The following CHODL variants were observed in gnomAD, a reference collection of about 807,000 sequenced individuals.
CHODL encodes the protein transmembrane protein MT75.
Under a neutral mutation model 34.5 loss-of-function variants are expected in CHODL, and 29 were observed. The observed-to-expected ratio is 0.84, with a 90% CI of 0.63 to 1.15. CHODL has a LOEUF of 1.15. Ranked by LOEUF, CHODL falls within the 50% of genes most tolerant of loss-of-function variation. The probability of loss-of-function intolerance (pLI) is 0.00; values close to 1 mark genes in which losing one functional copy is unlikely to be tolerated. For synonymous variants in CHODL, 125 were observed against 116.1 expected (o/e 1.08, Z -0.49); for missense variants, 332 against 332.5 (o/e 1.00, Z 0.01).
intron 2 of CHODL, among the ~76,000 whole-genome samples, chr21:18,095,123 CAAAAA>C (rs71329775): frequency 1.5e-5 from 2 of 131,832 alleles, no homozygotes; most frequent in Admixed American, 7.8e-5. Flanking sequence ...GACTTTGTCT[CAAAAA>C]AAAAAAAGAA....
chr21:18,073,712 TA>T (rs1055128093), intron 2 of CHODL, among the ~76,000 whole-genome samples: 1 of 152,040 alleles, frequency 6.6e-6, no homozygotes, highest in Non-Finnish European at 1.5e-5. Context: ...TAGCTAAGAA[TA>T]AAAAGATTAG....
chr21:18,247,391 A>ATCCTACCGCAGATACTCAAAT (rs2074154203), intron 1 of CHODL, among the ~76,000 whole-genome samples: 1 of 152,208 alleles, frequency 6.6e-6, no homozygotes, highest in African/African-American at 2.4e-5. Flanking sequence ...ATACTCAAAT[A>ATCCTACCGCAGATACTCAAAT]ATCACTGACC....
chr21:18,018,091 C>A (rs66518047), intron 1 of CHODL, among the ~76,000 whole-genome samples: 31,014 of 152,038 alleles, frequency 0.2, 3,591 homozygotes, highest in African/African-American at 0.31. Context: ...CCTGTACCCA[C>A]ACTGTATCTT....
At chr21:18,249,066 C>A (rs1343730083) in intron 1 of CHODL, among the ~76,000 whole-genome samples, 18 of 110,932 alleles carry the variant, frequency 1.6e-4, no homozygotes, top group African/African-American at 4.1e-4. Flanking sequence ...ATATAATTTA[C>A]TATATATAAT....
At chr21:18,004,688 C>T (rs2063943166) in intron 1 of CHODL, among the ~76,000 whole-genome samples, 2 of 152,186 alleles carry the variant, frequency 1.3e-5, no homozygotes, top group Non-Finnish European at 2.9e-5. Context: ...CATGCAAACT[C>T]TTACATACCC....
At chr21:18,160,496 TC>T in intron 2 of CHODL, among the ~76,000 whole-genome samples, 1 of 148,200 alleles carries the variant, frequency 6.7e-6, no homozygotes, top group African/African-American at 2.5e-5. Context: ...CCTCCCACCC[TC>T]CCCCTTCCAA....
At chr21:17,976,925 C>A (rs552503606) in intron 1 of CHODL, among the ~76,000 whole-genome samples, 1 of 152,242 alleles carries the variant, frequency 6.6e-6, no homozygotes, top group Admixed American at 6.5e-5. Context: ...GCTTTCCAGA[C>A]AGATTTAAAT....
chr21:18,119,119 G>C (rs2065448620), intron 2 of CHODL, among the ~76,000 whole-genome samples: 1 of 152,146 alleles, frequency 6.6e-6, no homozygotes, highest in Admixed American at 6.6e-5. Flanking sequence ...TGTTTAATGA[G>C]TACAATTTGA....
chr21:18,209,828 T>C (rs2073753991), intron 2 of CHODL, among the ~76,000 whole-genome samples: 1 of 152,170 alleles, frequency 6.6e-6, no homozygotes, highest in Non-Finnish European at 1.5e-5. Flanking sequence ...GTCCAGGAGC[T>C]AGGACCTGGA....
rs2063752036 is a variant in CHODL at position 17,986,184 on chromosome 21, A to T, written c.-144-41688A>T. Reference sequence around the variant, plus strand: ...TATTTTATTTATTCATTTTTATTATACTTTAAGTTCTGGGTTACATGTGCA... The same window carrying T: ...TATTTTATTTATTCATTTTTATTATTCTTTAAGTTCTGGGTTACATGTGCA... On this transcript the variant is annotated intron_variant, in intron 1 of 6. Transcript: ENST00000400127. Among the ~76,000 whole-genome samples the T allele has an allele frequency of 2.0e-5, 3 of 152,068 alleles. No individual in the cohort carries two copies. In the South Asian group the frequency reaches 6.2e-4, roughly 32 times the overall value.
At chr21:18,149,643 A>G (rs1017164373) in intron 2 of CHODL, among the ~76,000 whole-genome samples, 2 of 152,196 alleles carry the variant, frequency 1.3e-5, no homozygotes, top group African/African-American at 4.8e-5. Context: ...TATCAAATTA[A>G]TTTCACATAT....
chr21:18,172,773 T>C (rs1331598969), intron 2 of CHODL, among the ~76,000 whole-genome samples: 1 of 152,138 alleles, frequency 6.6e-6, no homozygotes, highest in African/African-American at 2.4e-5. Context: ...ACCAAAAATT[T>C]TGACTTAAAA....
intron 2 of CHODL, among the ~76,000 whole-genome samples, chr21:18,151,315 A>G (rs1175378951): frequency 6.6e-6 from 1 of 152,136 alleles, no homozygotes; most frequent in Non-Finnish European, 1.5e-5. Flanking sequence ...TCCATGCTGC[A>G]GTCATGCCTA....
At chr21:18,006,366 AAAG>A (rs1247413825) in intron 1 of CHODL, among the ~76,000 whole-genome samples, 1 of 151,960 alleles carries the variant, frequency 6.6e-6, no homozygotes, top group African/African-American at 2.4e-5. Flanking sequence ...GAAAAAAAAA[AAAG>A]AAAAAAAAAT....
chr21:17,935,230 T>C (rs924933815), intron 1 of CHODL, among the ~76,000 whole-genome samples: 21 of 152,232 alleles, frequency 1.4e-4, no homozygotes, highest in African/African-American at 3.9e-4. Context: ...TTCATTTATA[T>C]ACTTATTTAT....
intron 2 of CHODL, among the ~76,000 whole-genome samples, chr21:18,161,080 T>C (rs928999614): frequency 6.6e-6 from 1 of 152,204 alleles, no homozygotes; most frequent in African/African-American, 2.4e-5. Flanking sequence ...TCTTAAGTGA[T>C]GTTGAGCTTT....
intron 2 of CHODL, among the ~76,000 whole-genome samples, chr21:18,216,008 C>CT (rs367567103): frequency 6.6e-6 from 1 of 151,888 alleles, no homozygotes; most frequent in Non-Finnish European, 1.5e-5. Context: ...TATTATTTAT[C>CT]TTTTTCCTTT....
chr21:18,191,270 G>C (rs2073507260), intron 2 of CHODL, among the ~76,000 whole-genome samples: 1 of 152,100 alleles, frequency 6.6e-6, no homozygotes, highest in African/African-American at 2.4e-5. Flanking sequence ...CTTAGCAGAG[G>C]CAGAGGTCTG....
intron 2 of CHODL, among the ~76,000 whole-genome samples, chr21:18,051,680 G>A (rs2064518403): frequency 6.6e-6 from 1 of 151,888 alleles, no homozygotes; most frequent in African/African-American, 2.4e-5. Flanking sequence ...TTTAAGAAAT[G>A]TTTGGTTCCT....
Sources: allele counts gnomAD v4.1 joint callset (sites outside exome capture counted in the v4.1 genomes callset), GRCh38; gene constraint gnomAD v4.1.1; transcripts MANE v1.5; gene names NCBI Gene and HGNC (gene_info 2026-07-23, HGNC 2026-07-21).